CENPE: variants seen among roughly 807,000 people sequenced by gnomAD.
CENPE encodes the protein centromere-associated protein E.
CENPE carries 145 observed loss-of-function variants against 336.1 expected under a neutral mutation model. The ratio of observed to expected loss-of-function variants is 0.43; its 90% confidence interval spans 0.38 to 0.50. CENPE has a LOEUF of 0.50. Ranked by LOEUF, CENPE falls within the 20% of genes least tolerant of loss-of-function variation. The probability of loss-of-function intolerance (pLI) is 0.00; values close to 1 mark genes in which losing one functional copy is unlikely to be tolerated. For synonymous variants in CENPE, 1,013 were observed against 984.8 expected (o/e 1.03, Z -0.54); for missense variants, 2,719 against 3,023.3 (o/e 0.90, Z 2.36).
intron 42 of CENPE, among the ~76,000 whole-genome samples, chr4:103,129,401 G>A (rs1751392788): frequency 6.6e-6 from 1 of 152,082 alleles, no homozygotes; most frequent in Non-Finnish European, 1.5e-5. Flanking sequence ...AAAACCAGAT[G>A]ATGACATTAT....
intron 43 of CENPE, among the ~76,000 whole-genome samples, chr4:103,122,366 T>C (rs1280460259): frequency 2.6e-5 from 4 of 152,228 alleles, no homozygotes; most frequent in African/African-American, 9.6e-5. Flanking sequence ...AATTTGGTTA[T>C]CAAATAATGT....
chr4:103,142,292 G>A (rs190965956), intron 34 of CENPE, among the ~76,000 whole-genome samples: 3 of 152,228 alleles, frequency 2.0e-5, no homozygotes, highest in Non-Finnish European at 2.9e-5. Flanking sequence ...TATATATGTA[G>A]GCTAAAGTCC....
chr4:103,160,660 A>G lies in CENPE; in HGVS notation c.2251T>C (p.Ser751Pro), dbSNP rs1754365562. 1 of 1,610,728 alleles carries G rather than the reference A, an allele frequency of 6.2e-7. No homozygotes were observed. Among genetic ancestry groups the G allele is most frequent in the Non-Finnish European group, 8.5e-7 (1 of 1,178,456 alleles). ...EEVILLSELK[S>P]LPSEVERLRK... is the part of the protein sequence containing the mutation. ...AGCCTTTCTACTTCAGAAGGTAAAG[A>G]TTTCAATTCTGAAAGCAAAATGACT... The change falls in exon 21 of 49, where the codon TCT becomes CCT. Residue 751 changes from serine (S) to proline (P), a missense_variant. Ser to Pro is a moderately conservative substitution (Grantham distance 74). Coordinates refer to ENST00000265148, the MANE Select transcript of CENPE (RefSeq NM_001813.3).
chr4:103,113,810 A>C (rs901529176), intron 46 of CENPE, among the ~76,000 whole-genome samples: 33 of 151,134 alleles, frequency 2.2e-4, no homozygotes, highest in African/African-American at 7.0e-4. Flanking sequence ...TCATATAGCC[A>C]TTGAGATCTG....
In CENPE at chr4:103,136,180, T is replaced by C. The variant is rs1399769790; in HGVS notation, c.6483A>G (p.Arg2161=). 8.1e-6 allele frequency: 13 copies of C among 1,613,780 alleles called. No individual in the cohort carries two copies. The highest frequency in any genetic ancestry group is 1.1e-5 in the Non-Finnish European group (13 of 1,179,858). Residue 2161 remains arginine (R), a synonymous_variant, in exon 40 of 49, where the codon AGA becomes AGG. Transcript: ENST00000265148. ...HIEKLFTANQ[R]CSMEFHRIMK... is the part of the protein sequence containing the mutation. The stretch of plus-strand genomic sequence containing the variant: ...TGATTCTGTGGAATTCCATGGAGCA[T>C]CTCTGGTTTGCAGTAAAAAGTTTTT...
At chr4:103,183,475 G>C (rs1433717881) in intron 9 of CENPE, among the ~76,000 whole-genome samples, 187 bp from the exon 10 acceptor site, 1 of 151,916 alleles carries the variant, frequency 6.6e-6, no homozygotes, top group African/African-American at 2.4e-5. Context: ...CACTTCAAGT[G>C]AATCAGAAAG....
chr4:103,163,965 T>C (rs1184435108), intron 16 of CENPE, among the ~76,000 whole-genome samples: 2 of 152,152 alleles, frequency 1.3e-5, no homozygotes, highest in Admixed American at 6.5e-5. Context: ...TTAATTCTTA[T>C]AAAGTTTTTT....
chr4:103,159,313 T>C lies in CENPE; in HGVS notation c.2298A>G (p.Lys766=). 1 of 1,491,644 alleles carries C rather than the reference T, an allele frequency of 6.7e-7. No homozygotes were observed. Among genetic ancestry groups the C allele is most frequent in the Admixed American group, 2.4e-5 (1 of 41,730 alleles). 92.4% of individuals were successfully genotyped at this position (1,491,644 alleles called of 1,614,324 possible). The change falls in exon 22 of 49, where the codon AAA becomes AAG. Residue 766 remains lysine (K), a synonymous_variant. Coordinates refer to ENST00000265148, the MANE Select transcript of CENPE (RefSeq NM_001813.3). ...VERLRKEIQD[K]SEELHIITSE... ...ATGTTATTATATGGAGCTCTTCAGA[T>C]TTGTCTTGTATCTATGGAAAAGAAA...
intron 10 of CENPE, 24 bp downstream of exon 10, chr4:103,183,177 A>C: frequency 6.5e-7 from 1 of 1,527,234 alleles, no homozygotes; most frequent in Non-Finnish European, 9.0e-7. Context: ...ATCAGTAGGT[A>C]AGTGCACAAC....
chr4:103,158,561 C>T (rs1048896461), intron 23 of CENPE, 53 bp downstream of exon 23: 15 of 1,535,608 alleles, frequency 9.8e-6, no homozygotes, highest in Middle Eastern at 3.5e-4. Context: ...ATGGCCTCTG[C>T]AATGTTTTTA....
intron 48 of CENPE, 99 bp downstream of exon 48, chr4:103,108,704 A>C: frequency 2.6e-6 from 3 of 1,146,792 alleles, no homozygotes; most frequent in Non-Finnish European, 3.7e-6. Context: ...TTACTCAACT[A>C]AATCATCTCT....
chr4:103,132,165 G>A (rs974860850), intron 42 of CENPE, among the ~76,000 whole-genome samples: 1 of 152,194 alleles, frequency 6.6e-6, no homozygotes, highest in African/African-American at 2.4e-5. Context: ...CCACCCTGAT[G>A]TGGGCTGTTG....
At chr4:103,138,328 T>C in intron 39 of CENPE, 23 bp downstream of exon 39, 1 of 1,476,884 alleles carries the variant, frequency 6.8e-7, no homozygotes, top group Non-Finnish European at 9.5e-7. Flanking sequence ...TAATCATTTG[T>C]AGTTTTAACA....
chr4:103,141,202 C>T (rs1363946464), intron 35 of CENPE, 98 bp from the exon 36 acceptor site: 1 of 702,128 alleles, frequency 1.4e-6, no homozygotes, highest in Admixed American at 3.0e-5. Flanking sequence ...CCATGTTACT[C>T]TCACTGATAT....
In CENPE at chr4:103,140,204, C is replaced by T. The variant is rs376932630; in HGVS notation, c.5913+52G>A. The T allele has an allele frequency of 6.6e-6, 10 of 1,520,030 alleles. No individual in the cohort carries two copies. The South Asian group carries it at 1.2e-4, about 17-fold the overall frequency. The allele number at this position is 1,520,030 out of a possible 1,614,324, so 94.2% of individuals were successfully genotyped here. ...CTGTATCTATATCTTTTTAATTCCA[C>T]AAATAATTTTGGGCACAGTTACTTC... On this transcript the variant is annotated intron_variant, in intron 37 of 48. Coordinates refer to ENST00000265148, the MANE Select transcript of CENPE (RefSeq NM_001813.3).
At chr4:103,130,636 T>G (rs1030533832) in intron 42 of CENPE, among the ~76,000 whole-genome samples, 1 of 152,142 alleles carries the variant, frequency 6.6e-6, no homozygotes, top group African/African-American at 2.4e-5. Context: ...GAAGTTATTC[T>G]GTGAATAGGG....
In CENPE at chr4:103,158,803, T is replaced by C. The variant is rs1243434335; in HGVS notation, c.2685A>G (p.Gln895=). 1 of 1,613,162 alleles carries C rather than the reference T, an allele frequency of 6.2e-7. No individual in the cohort carries two copies. Among genetic ancestry groups the C allele is most frequent in the Non-Finnish European group, 8.5e-7 (1 of 1,179,524 alleles). Residue 895 remains glutamine (Q), a synonymous_variant, in exon 23 of 49, where the codon CAA becomes CAG. Coordinates refer to ENST00000265148, the MANE Select transcript of CENPE (RefSeq NM_001813.3). ...RLNEMEQLKE[Q]LENRDSTLQT... is the part of the protein sequence containing the mutation. The stretch of plus-strand genomic sequence containing the variant: ...GCAGCGTAGAATCTCTATTTTCTAA[T>C]TGTTCCTTCAGCTGTTCCATCTCAT...
intron 10 of CENPE, 145 bp from the exon 11 acceptor site, chr4:103,183,036 A>T: frequency 2.5e-6 from 2 of 811,616 alleles, no homozygotes; most frequent in Non-Finnish European, 3.7e-6. Context: ...AACTACTAAA[A>T]AATATTTAAA....
chr4:103,160,954 A>C, intron 20 of CENPE, 132 bp downstream of exon 20: 2 of 938,656 alleles, frequency 2.1e-6, no homozygotes, highest in Non-Finnish European at 3.1e-6. Flanking sequence ...ATGAAACTAA[A>C]ACGTAATATT....
Sources: gnomAD v4.1 joint callset for allele counts (sites outside exome capture counted in the v4.1 genomes callset) on GRCh38, gnomAD v4.1.1 for gene constraint, MANE v1.5 for transcripts, NCBI Gene and HGNC (gene_info 2026-07-23, HGNC 2026-07-21) for gene names.